Variants in SHTN1 observed in about 807,000 individuals in gnomAD.
SHTN1 encodes shootin-1.
Under a neutral mutation model 83.1 loss-of-function variants are expected in SHTN1, and 42 were observed. That is an observed-to-expected ratio of 0.51 (90% CI 0.39 to 0.65). The LOEUF (loss-of-function observed/expected upper bound fraction) is 0.65. Among genes scored for constraint, SHTN1 ranks in the 30% least tolerant of loss-of-function variants. The pLI, the probability that SHTN1 is intolerant of heterozygous loss-of-function variation, is 0.00. For missense variants in SHTN1, 622 were observed against 737.8 expected (o/e 0.84, Z 1.82); for synonymous variants, 224 against 247.7 (o/e 0.90, Z 0.90).
chr10:116,976,599 C>T (rs1323831904), intron 2 of SHTN1, among the ~76,000 whole-genome samples: 2 of 152,170 alleles, frequency 1.3e-5, no homozygotes, highest in African/African-American at 4.8e-5. Flanking sequence ...GGACAAAGCT[C>T]ACCCAGCCAG....
intron 1 of SHTN1, among the ~76,000 whole-genome samples, chr10:117,000,895 T>C (rs1283022474): frequency 6.6e-6 from 1 of 152,210 alleles, no homozygotes; most frequent in African/African-American, 2.4e-5. Flanking sequence ...CAAGGTCTTA[T>C]TCAGCTCTAT....
intron 1 of SHTN1, among the ~76,000 whole-genome samples, chr10:117,094,758 G>A (rs897802892): frequency 5.3e-5 from 8 of 152,070 alleles, no homozygotes; most frequent in Admixed American, 4.6e-4. Flanking sequence ...TTATTCAGAA[G>A]GTAATAAAGA....
chr10:116,953,468 T>C (rs1437223085), intron 5 of SHTN1, among the ~76,000 whole-genome samples: 2 of 152,128 alleles, frequency 1.3e-5, no homozygotes, highest in Non-Finnish European at 2.9e-5. Context: ...AATTGTTATA[T>C]ACCCTATGGT....
intron 9 of SHTN1, among the ~76,000 whole-genome samples, chr10:116,930,649 G>A (rs1410764853): frequency 6.6e-6 from 1 of 152,164 alleles, no homozygotes; most frequent in Non-Finnish European, 1.5e-5. Context: ...CATTGAGGTT[G>A]ACTCCATGAC....
intron 9 of SHTN1, among the ~76,000 whole-genome samples, chr10:116,938,359 T>C (rs1001205361): frequency 7.9e-5 from 12 of 152,166 alleles, no homozygotes; most frequent in Non-Finnish European, 1.8e-4. Flanking sequence ...TGCATGGATG[T>C]CCTTTTGTTG....
intron 2 of SHTN1, among the ~76,000 whole-genome samples, chr10:117,047,395 A>G (rs1051902271): frequency 1.3e-5 from 2 of 152,104 alleles, no homozygotes; most frequent in Admixed American, 6.5e-5. Flanking sequence ...AAAATAATCT[A>G]TGTCATTCAA....
At chr10:117,063,385 A>G (rs1250792779) in intron 1 of SHTN1, among the ~76,000 whole-genome samples, 2 of 152,274 alleles carry the variant, frequency 1.3e-5, no homozygotes, top group South Asian at 4.1e-4. Context: ...CACGTGCTCC[A>G]AGAGTCACTT....
At chr10:116,971,300 T>C (rs1850609512) in intron 2 of SHTN1, among the ~76,000 whole-genome samples, 1 of 152,224 alleles carries the variant, frequency 6.6e-6, no homozygotes, top group South Asian at 2.1e-4. Flanking sequence ...AGGTTTCCCG[T>C]GGCAATCCCA....
rs374198489 is a variant in SHTN1, at chr10:116,990,909, G to A, written c.59-11601C>T. On this transcript the variant is annotated intron_variant, in intron 1 of 16. Coordinates refer to ENST00000355371, the MANE Select transcript of SHTN1 (RefSeq NM_001127211.3). Reference sequence around the variant, plus strand: ...CTTAAAGGGCTTCTTGGTTTTGGCCGGGCGCAGTGGCTCACACCTGCAATC... The same window carrying A: ...CTTAAAGGGCTTCTTGGTTTTGGCCAGGCGCAGTGGCTCACACCTGCAATC... Among the ~76,000 whole-genome samples, 214 of 151,852 alleles carry A rather than the reference G, an allele frequency of 1.4e-3. 1 individual carries two copies. Among genetic ancestry groups the A allele is most frequent in the Middle Eastern group, 0.01 (3 of 288 alleles).
At chr10:116,911,526 G>A in intron 14 of SHTN1, 1 of 1,550,546 alleles carries the variant, frequency 6.4e-7, no homozygotes, top group Non-Finnish European at 8.7e-7. Context: ...TGTGATGCCA[G>A]GATTGGAGGG....
chr10:116,956,152 T>C (rs918095367), intron 4 of SHTN1, among the ~76,000 whole-genome samples: 1 of 152,252 alleles, frequency 6.6e-6, no homozygotes, highest in African/African-American at 2.4e-5. Flanking sequence ...TTCTCAACTC[T>C]GGCCATCAGA....
At chr10:117,041,739 C>T (rs1373727438) in intron 2 of SHTN1, among the ~76,000 whole-genome samples, 1 of 152,176 alleles carries the variant, frequency 6.6e-6, no homozygotes, top group Non-Finnish European at 1.5e-5. Context: ...ATATCTACCG[C>T]TAGCCCATCA....
intron 2 of SHTN1, among the ~76,000 whole-genome samples, chr10:116,978,469 G>A (rs1010975212): frequency 2.6e-5 from 4 of 151,920 alleles, no homozygotes; most frequent in Admixed American, 1.3e-4. Flanking sequence ...ATTTTTTAAA[G>A]TAAATTTTTT....
chr10:117,103,191 G>C (rs1266845466), intron 1 of SHTN1, among the ~76,000 whole-genome samples: 1 of 152,034 alleles, frequency 6.6e-6, no homozygotes, highest in Non-Finnish European at 1.5e-5. Flanking sequence ...CCGGGTTCAA[G>C]CAATTCTTCT....
rs11197858 is a variant in SHTN1, at chr10:116,959,260, T to C, written c.267+876A>G. On this transcript the variant is annotated intron_variant, in intron 4 of 16. Coordinates refer to ENST00000355371, the MANE Select transcript of SHTN1 (RefSeq NM_001127211.3). ...GAGAAGTTACATACCCAAATTTATATTCTTAGTTAGGTCCTGATTAAATAT... is the reference window on the plus strand; with the variant it reads ...GAGAAGTTACATACCCAAATTTATACTCTTAGTTAGGTCCTGATTAAATAT... Among the ~76,000 whole-genome samples, 348 of 152,354 alleles carry C rather than the reference T, an allele frequency of 2.3e-3. 6 individuals carry two copies. The East Asian group carries it at 0.034, about 15-fold the overall frequency.
intron 14 of SHTN1, among the ~76,000 whole-genome samples, 165 bp from the exon 15 acceptor site, chr10:116,906,912 A>G (rs1218318035): frequency 6.6e-6 from 1 of 152,236 alleles, no homozygotes; most frequent in Non-Finnish European, 1.5e-5. Context: ...ATTTTCAACA[A>G]GACAGAGTGT....
intron 16 of SHTN1, among the ~76,000 whole-genome samples, chr10:116,899,548 A>AGT (rs1264630122): frequency 3.4e-4 from 8 of 23,430 alleles, no homozygotes; most frequent in African/African-American, 7.2e-4. Context: ...TGTGTGTGTG[A>AGT]GAGAGTGCAT....
At chr10:117,072,273 A>G (rs751400357) in intron 1 of SHTN1, among the ~76,000 whole-genome samples, 2 of 152,178 alleles carry the variant, frequency 1.3e-5, no homozygotes, top group African/African-American at 2.4e-5. Context: ...CAGATGGCCT[A>G]TTGTGGGACT....
chr10:117,005,047 C>G lies in SHTN1; in HGVS notation c.33G>C (p.Gln11His). The G allele has an allele frequency of 6.3e-7, 1 of 1,599,222 alleles. No individual in the cohort carries two copies. Among genetic ancestry groups the G allele is most frequent in the South Asian group, 1.1e-5 (1 of 88,056 alleles). Residue 11 changes from glutamine to histidine, a missense_variant, in exon 1 of 17, where the codon CAG (glutamine) becomes CAC (histidine). By Grantham distance (24) the Gln-to-His change is conservative. Coordinates refer to ENST00000355371, the MANE Select transcript of SHTN1 (RefSeq NM_001127211.3). MNSSDEEKQL[Q>H]LITSLKEQAI... ...CTTGCTCCTTCAGACTGGTAATGAG[C>G]TGCAGCTGCTTCTCTTCGTCCGAGC...
Sources: gnomAD v4.1 joint callset for allele counts (sites outside exome capture counted in the v4.1 genomes callset) on GRCh38, gnomAD v4.1.1 for gene constraint, MANE v1.5 for transcripts, NCBI Gene and HGNC (gene_info 2026-07-23, HGNC 2026-07-21) for gene names.